Variants in MYRFL observed in about 807,000 individuals in gnomAD.
MYRFL encodes myelin regulatory factor like, also known as myelin regulatory factor-like protein.
A neutral mutation model predicts 109.4 loss-of-function variants in MYRFL; 88 were observed. That is an observed-to-expected ratio of 0.80 (90% confidence interval 0.68 to 0.96). The LOEUF is 0.96. Ranked by LOEUF, MYRFL falls within the 40% of genes least tolerant of loss-of-function variation. The pLI is 0.00. For missense variants in MYRFL, 957 were observed against 954.9 expected (o/e 1.00, Z -0.03); for synonymous variants, 324 against 320.9 (o/e 1.01, Z -0.10).
chr12:69,857,369 A>G (rs78316680), intron 2 of MYRFL, among the ~76,000 whole-genome samples: 10 of 151,992 alleles, frequency 6.6e-5, no homozygotes, highest in African/African-American at 2.2e-4. Context: ...TGTCTTGGTT[A>G]TTCTAGTTTC....
Position 69,936,535 on chromosome 12 carries a change from G to A in MYRFL, c.2127G>A (p.Glu709=). 2.0e-6 allele frequency: 3 copies of A among 1,536,120 alleles called. No homozygotes were observed. The highest frequency in any genetic ancestry group is 2.6e-6 in the Non-Finnish European group (3 of 1,146,900). Residue 709 remains glutamate, a synonymous_variant, in exon 19 of 25, where the codon GAG becomes GAA. Coordinates refer to ENST00000552032, the MANE Select transcript of MYRFL (RefSeq NM_182530.3). ...TCTGTGAAATCCTGCCGTGTCAGGA[G>A]ACTTATTGCTGCCCCATCCGGGGAA... The part of the protein sequence containing the change: ...ITFCEILPCQ[E]TYCCPIRGMK...
At chr12:69,926,531 A>C (rs1001113227) in intron 13 of MYRFL, 40 bp from the exon 14 acceptor site, 1 of 1,439,220 alleles carries the variant, frequency 6.9e-7, no homozygotes, top group Non-Finnish European at 9.1e-7. Context: ...GTGATCTCAA[A>C]TTGTTAATTT....
intron 11 of MYRFL, among the ~76,000 whole-genome samples, chr12:69,906,233 A>G (rs1954353929): frequency 6.6e-6 from 1 of 152,134 alleles, no homozygotes; most frequent in Non-Finnish European, 1.5e-5. Flanking sequence ...GAGATCTCTG[A>G]TGCTCACAGG....
At chr12:69,871,788 A>T (rs1259984777) in intron 2 of MYRFL, among the ~76,000 whole-genome samples, 1 of 151,874 alleles carries the variant, frequency 6.6e-6, no homozygotes, top group Non-Finnish European at 1.5e-5. Context: ...TGTTTGAATC[A>T]TTGCCTTGTT....
At chr12:69,941,836 A>G (rs1955656082) in intron 19 of MYRFL, among the ~76,000 whole-genome samples, 1 of 151,888 alleles carries the variant, frequency 6.6e-6, no homozygotes, top group African/African-American at 2.4e-5. Context: ...GATGCAATAA[A>G]AAATGATAAA....
chr12:69,879,932 G>A (rs895066142), intron 4 of MYRFL, among the ~76,000 whole-genome samples: 1 of 152,128 alleles, frequency 6.6e-6, no homozygotes, highest in African/African-American at 2.4e-5. Context: ...GTTGTCGGGT[G>A]TAAAATGTAT....
At chr12:69,881,911 G>C (rs1363362481) in intron 5 of MYRFL, among the ~76,000 whole-genome samples, 1 of 152,122 alleles carries the variant, frequency 6.6e-6, no homozygotes, top group African/African-American at 2.4e-5. Flanking sequence ...GACATAAAAG[G>C]CTGAGTAAAT....
At chr12:69,857,792 G>T (rs147715247) in intron 2 of MYRFL, among the ~76,000 whole-genome samples, 1 of 151,508 alleles carries the variant, frequency 6.6e-6, no homozygotes, top group Non-Finnish European at 1.5e-5. Flanking sequence ...TATGTTGAAG[G>T]TCATGTCATC....
At chr12:69,871,132 A>C (rs1265395851) in intron 2 of MYRFL, among the ~76,000 whole-genome samples, 2 of 152,100 alleles carry the variant, frequency 1.3e-5, no homozygotes, top group Non-Finnish European at 2.9e-5. Context: ...TACTGTATAT[A>C]GCATATAATA....
intron 19 of MYRFL, among the ~76,000 whole-genome samples, chr12:69,943,463 G>C (rs11177979): frequency 0.12 from 18,015 of 145,836 alleles, 1,570 homozygotes; most frequent in East Asian, 0.46. Context: ...ATGGTGCTGG[G>C]AAAACTGGCT....
intron 2 of MYRFL, among the ~76,000 whole-genome samples, chr12:69,860,847 A>G (rs7136738): frequency 0.99 from 138,945 of 140,836 alleles, 68,566 homozygotes; most frequent in Middle Eastern, 1. Flanking sequence ...CCATTAACTC[A>G]TCATTTAGCA....
In MYRFL at chr12:69,957,851, G is replaced by A; in HGVS notation, c.2480G>A (p.Cys827Tyr). ...NTTEPLIVFQ[C>Y]KFTLGNICFH... ...ACAGAGCCATTGATAGTCTTCCAGT[G>A]CAAATTCACCCTTGGAAATATATGT... The change falls in exon 23 of 25, where the codon TGC (cysteine) becomes TAC (tyrosine). Residue 827 changes from cysteine (C) to tyrosine (Y), a missense_variant. Coordinates refer to ENST00000552032, the MANE Select transcript of MYRFL (RefSeq NM_182530.3). 6.5e-7 allele frequency: 1 copy of A among 1,533,802 alleles called. No individual in the cohort carries two copies. The highest frequency in any genetic ancestry group is 1.2e-5 in the South Asian group (1 of 83,744).
At chr12:69,903,516 C>A in intron 10 of MYRFL, 128 bp from the exon 11 acceptor site, 1 of 1,042,668 alleles carries the variant, frequency 9.6e-7, no homozygotes, top group Non-Finnish European at 1.3e-6. Context: ...CAGAATGTCC[C>A]ACTCAATACA....
At chr12:69,847,387 G>GT (rs1260837451) in intron 1 of MYRFL, among the ~76,000 whole-genome samples, 10 of 152,076 alleles carry the variant, frequency 6.6e-5, no homozygotes, top group Middle Eastern at 3.4e-3. Flanking sequence ...AACAAATATT[G>GT]TTTTTTTCAA....
At chr12:69,934,935 G>A (rs1010014112) in intron 16 of MYRFL, among the ~76,000 whole-genome samples, 3 of 152,156 alleles carry the variant, frequency 2.0e-5, no homozygotes, top group Admixed American at 1.3e-4. Context: ...CTGGGCTGTG[G>A]GTTTCAGGCT....
intron 1 of MYRFL, among the ~76,000 whole-genome samples, chr12:69,853,996 G>A (rs920225802): frequency 1.3e-5 from 2 of 152,206 alleles, no homozygotes; most frequent in African/African-American, 2.4e-5. Flanking sequence ...CAAGGCAGGC[G>A]GCTGGGAGGT....
At chr12:69,932,483 A>G in intron 15 of MYRFL, 30 bp from the exon 16 acceptor site, 1 of 1,447,916 alleles carries the variant, frequency 6.9e-7, no homozygotes, top group South Asian at 1.2e-5. Context: ...TTGCTAATTT[A>G]TCACTGCTCA....
chr12:69,887,520 T>C (rs1316141846), intron 6 of MYRFL, among the ~76,000 whole-genome samples: 1 of 152,260 alleles, frequency 6.6e-6, no homozygotes, highest in Non-Finnish European at 1.5e-5. Flanking sequence ...CCAATTTTTA[T>C]GACATAAGAT....
At chr12:69,895,571 G>A (rs1245900529) in intron 9 of MYRFL, 90 bp downstream of exon 9, 4 of 985,032 alleles carry the variant, frequency 4.1e-6, no homozygotes, top group Non-Finnish European at 6.1e-6. Context: ...TCTTCCTGGT[G>A]CTACCAGCCA....
Sources: allele counts gnomAD v4.1 joint callset (sites outside exome capture counted in the v4.1 genomes callset), GRCh38; gene constraint gnomAD v4.1.1; transcripts MANE v1.5; gene names NCBI Gene and HGNC (gene_info 2026-07-23, HGNC 2026-07-21).